MSRA: variants seen among roughly 807,000 people sequenced by gnomAD.
The protein encoded by MSRA is mitochondrial peptide methionine sulfoxide reductase.
In MSRA, 54 loss-of-function variants were observed where a neutral mutation model predicts 31.3. The ratio of observed to expected loss-of-function variants is 1.73; its 90% CI spans 1.39 to 2.17. The LOEUF (loss-of-function observed/expected upper bound fraction) is 2.17, where lower values mean the gene tolerates loss of function less well. Among genes scored for constraint, MSRA ranks in the 30% most tolerant of loss-of-function variants. The pLI is 0.00. For missense variants in MSRA, 507 were observed against 300.9 expected (o/e 1.69, Z -5.07); for synonymous variants, 169 against 116.5 (o/e 1.45, Z -2.90).
chr8:10,109,174 C>A (rs1800101834), intron 1 of MSRA, among the ~76,000 whole-genome samples: 2 of 151,994 alleles, frequency 1.3e-5, no homozygotes, highest in African/African-American at 4.8e-5. Flanking sequence ...ATAGTGCCTG[C>A]CTTTAAAAAA....
At chr8:10,078,365 C>T (rs1413188764) in intron 1 of MSRA, among the ~76,000 whole-genome samples, 2 of 152,222 alleles carry the variant, frequency 1.3e-5, no homozygotes, top group African/African-American at 2.4e-5. Flanking sequence ...TGTATGTTCA[C>T]ATTCATGCGT....
In MSRA at chr8:10,194,854, C is replaced by T. The variant is rs532526689; in HGVS notation, c.143-12979C>T. Among the ~76,000 whole-genome samples the T allele has an allele frequency of 4.6e-5, 7 of 152,336 alleles. No homozygotes were observed. In the South Asian group the frequency reaches 1.2e-3, roughly 27 times the overall value. ...TCAGCCCTGGGAAGAGACTCCTGGG[C>T]TTCCAGGTGTTCACTGGGGGAGCAA... is the stretch of plus-strand genomic sequence containing the variant. On this transcript the variant is annotated intron_variant, in intron 1 of 5. Transcript: ENST00000317173.
At chr8:10,317,003 G>A (rs1801764359) in intron 4 of MSRA, among the ~76,000 whole-genome samples, 1 of 152,188 alleles carries the variant, frequency 6.6e-6, no homozygotes. Context: ...AGCCTTTGGT[G>A]CAGCAGACTG....
intron 5 of MSRA, among the ~76,000 whole-genome samples, chr8:10,341,728 G>A (rs779581720): frequency 5.3e-5 from 8 of 152,134 alleles, no homozygotes; most frequent in Non-Finnish European, 7.4e-5. Flanking sequence ...TATGAACCTC[G>A]GAGGTTGATG....
chr8:10,281,503 C>G (rs1304423830), intron 3 of MSRA, among the ~76,000 whole-genome samples: 8 of 152,170 alleles, frequency 5.3e-5, no homozygotes, highest in Admixed American at 5.2e-4. Flanking sequence ...AACAAGCACA[C>G]CCGACCTAGA....
intron 2 of MSRA, among the ~76,000 whole-genome samples, chr8:10,215,410 C>G (rs1166202862): frequency 6.6e-6 from 1 of 152,230 alleles, no homozygotes; most frequent in East Asian, 1.9e-4. Context: ...GCATTGGCCC[C>G]TTGGCATGGG....
intron 1 of MSRA, among the ~76,000 whole-genome samples, chr8:10,084,894 G>C (rs996199587): frequency 1.5e-3 from 1 of 654 alleles, no homozygotes; most frequent in Non-Finnish European, 3.7e-3. Context: ...TAGGCTTTGC[G>C]AATTAACATT....
intron 1 of MSRA, among the ~76,000 whole-genome samples, chr8:10,199,654 G>A (rs1459990593): frequency 6.6e-6 from 1 of 152,130 alleles, no homozygotes; most frequent in Non-Finnish European, 1.5e-5. Flanking sequence ...ACACTAGTGG[G>A]CTTGTGCACT....
chr8:10,313,480 A>AT (rs879299716), intron 4 of MSRA, among the ~76,000 whole-genome samples: 2 of 151,914 alleles, frequency 1.3e-5, no homozygotes, highest in Non-Finnish European at 2.9e-5. Flanking sequence ...AAAAAAAAAA[A>AT]CAAAAAACAA....
intron 1 of MSRA, among the ~76,000 whole-genome samples, chr8:10,199,342 A>G (rs1808285973): frequency 6.6e-6 from 1 of 151,762 alleles, no homozygotes; most frequent in East Asian, 1.9e-4. Context: ...GTTTTTTGAG[A>G]CGCATTCTCA....
intron 1 of MSRA, among the ~76,000 whole-genome samples, chr8:10,068,405 C>G (rs139573827): frequency 6.6e-6 from 1 of 152,184 alleles, no homozygotes; most frequent in Non-Finnish European, 1.5e-5. Context: ...CGAAGGTCAC[C>G]TAGATTTTCT....
At chr8:10,370,559 G>A (rs1279235164) in intron 5 of MSRA, among the ~76,000 whole-genome samples, 1 of 152,232 alleles carries the variant, frequency 6.6e-6, no homozygotes, top group Non-Finnish European at 1.5e-5. Flanking sequence ...CAGAGCAGCA[G>A]CCATATCCCT....
chr8:10,104,829 A>C (rs1400365375), intron 1 of MSRA, among the ~76,000 whole-genome samples: 2 of 152,124 alleles, frequency 1.3e-5, no homozygotes, highest in Non-Finnish European at 2.9e-5. Flanking sequence ...GGCCAAGAGG[A>C]GAGGTCCATT....
intron 1 of MSRA, among the ~76,000 whole-genome samples, chr8:10,098,983 C>G (rs529633505): frequency 2.0e-4 from 31 of 152,240 alleles, no homozygotes; most frequent in African/African-American, 4.8e-4. Context: ...AGATAAGGCC[C>G]CTCCCACATC....
chr8:10,061,892 G>T (rs1269163035), intron 1 of MSRA, among the ~76,000 whole-genome samples: 1 of 152,212 alleles, frequency 6.6e-6, no homozygotes, highest in Non-Finnish European at 1.5e-5. Flanking sequence ...GACTTGCTAG[G>T]CATCTGCAGC....
intron 3 of MSRA, among the ~76,000 whole-genome samples, chr8:10,264,475 A>G (rs1457922718): frequency 1.3e-5 from 2 of 152,222 alleles, no homozygotes; most frequent in African/African-American, 2.4e-5. Context: ...CAACATTTCC[A>G]GCTATATTTC....
intron 4 of MSRA, among the ~76,000 whole-genome samples, chr8:10,316,755 G>A (rs1801750585): frequency 6.6e-6 from 1 of 152,190 alleles, no homozygotes; most frequent in African/African-American, 2.4e-5. Flanking sequence ...AACACCTAAG[G>A]TAAAGGCAAG....
At chr8:10,170,689 A>C (rs1805517974) in intron 1 of MSRA, among the ~76,000 whole-genome samples, 1 of 152,228 alleles carries the variant, frequency 6.6e-6, no homozygotes, top group Non-Finnish European at 1.5e-5. Flanking sequence ...TTACATGCTT[A>C]TACTGTGCCA....
intron 1 of MSRA, among the ~76,000 whole-genome samples, chr8:10,088,355 T>A (rs1369010214): frequency 6.6e-6 from 1 of 152,120 alleles, no homozygotes; most frequent in Non-Finnish European, 1.5e-5. Context: ...GGAGATGAAA[T>A]CATTACCTTG....
Sources: allele counts gnomAD v4.1 joint callset (sites outside exome capture counted in the v4.1 genomes callset), GRCh38; gene constraint gnomAD v4.1.1; transcripts MANE v1.5; gene names NCBI Gene and HGNC (gene_info 2026-07-23, HGNC 2026-07-21).